Variants in ROBO2 observed in about 807,000 individuals in gnomAD.
ROBO2 encodes roundabout homolog 2.
Under a neutral mutation model 160.8 loss-of-function variants are expected in ROBO2, and 53 were observed. The ratio of observed to expected loss-of-function variants is 0.33; its 90% CI spans 0.26 to 0.41. The LOEUF is 0.41. Among genes scored for constraint, ROBO2 ranks in the 10% least tolerant of loss-of-function variants. The pLI, the probability that ROBO2 is intolerant of heterozygous loss-of-function variation, is 1.00. For missense variants in ROBO2, 1,577 were observed against 1,722.4 expected (o/e 0.92, Z 1.49); for synonymous variants, 664 against 611.7 (o/e 1.09, Z -1.26).
chr3:77,504,416 C>CAAAAA (rs60117495), intron 5 of ROBO2, among the ~76,000 whole-genome samples: 2,811 of 142,612 alleles, frequency 0.02, 74 homozygotes, highest in African/African-American at 0.066. Flanking sequence ...CAGTGCTTCT[C>CAAAAA]AAAAAAAAAA....
chr3:76,286,774 G>A (rs150422883), intron 2 of ROBO2, among the ~76,000 whole-genome samples: 213 of 152,286 alleles, frequency 1.4e-3, no homozygotes, highest in African/African-American at 4.8e-3. Context: ...CAAATAAGAT[G>A]AGGCGGTAGT....
chr3:77,203,962 G>T lies in ROBO2; in HGVS notation c.388+105622G>T, dbSNP rs1008151392. Among the ~76,000 whole-genome samples, 18 of 152,126 alleles carry T rather than the reference G, an allele frequency of 1.2e-4. 1 individual carries two copies. ...AAAAAGTAACTTTAATAAAAGTAAG[G>T]CCTCTCTTTTGGCAACTATCTCTTT... On this transcript the variant is annotated intron_variant, in intron 2 of 25. Coordinates refer to ENST00000461745, the Ensembl canonical transcript of ROBO2.
intron 2 of ROBO2, among the ~76,000 whole-genome samples, chr3:77,435,834 A>T (rs1342865176): frequency 6.6e-6 from 1 of 151,674 alleles, no homozygotes; most frequent in Admixed American, 6.6e-5. Context: ...CTTAAAGTAT[A>T]TCTGATAGTT....
intron 2 of ROBO2, among the ~76,000 whole-genome samples, chr3:76,872,768 A>G (rs1470647227): frequency 6.6e-6 from 1 of 151,960 alleles, no homozygotes; most frequent in African/African-American, 2.4e-5. Flanking sequence ...GCTTCTATAA[A>G]ATAAATATAT....
At chr3:77,377,144 C>A (rs7619258) in intron 2 of ROBO2, among the ~76,000 whole-genome samples, 1 of 152,102 alleles carries the variant, frequency 6.6e-6, no homozygotes, top group East Asian at 1.9e-4. Context: ...TCAGTCTATA[C>A]TGTTTTTATA....
chr3:76,701,032 A>G (rs1260674948), intron 2 of ROBO2, among the ~76,000 whole-genome samples: 2 of 152,122 alleles, frequency 1.3e-5, no homozygotes, highest in African/African-American at 4.8e-5. Flanking sequence ...CCCATAAGAA[A>G]GATACCTAGT....
At chr3:76,907,531 T>C (rs1480719344) in intron 2 of ROBO2, among the ~76,000 whole-genome samples, 3 of 152,178 alleles carry the variant, frequency 2.0e-5, no homozygotes, top group African/African-American at 7.2e-5. Flanking sequence ...AGCAGATATA[T>C]GTAACCAAGC....
At position 76,675,682 on chromosome 3, in the gene ROBO2, T is replaced by C. The variant is rs2092390442; in HGVS notation, c.110-422332T>C. ...TCAACCCCAGGGTTTATTTAGACCA[T>C]ATTCAACAAAAATTCTGAGAACAAA... On this transcript the variant is annotated intron_variant, in intron 2 of 26. Transcript: ENST00000487694. Among the ~76,000 whole-genome samples the C allele has an allele frequency of 2.6e-5, 4 of 152,282 alleles. No individual in the cohort carries two copies. In the Middle Eastern group the frequency reaches 0.01, roughly 388 times the overall value.
intron 2 of ROBO2, among the ~76,000 whole-genome samples, chr3:76,361,229 G>A (rs934295293): frequency 1.3e-5 from 2 of 152,072 alleles, no homozygotes; most frequent in Non-Finnish European, 2.9e-5. Flanking sequence ...GGGTAGCTTG[G>A]TCTACTCAAG....
intron 2 of ROBO2, among the ~76,000 whole-genome samples, chr3:77,175,452 A>T (rs1416456974): frequency 6.6e-6 from 1 of 151,998 alleles, no homozygotes; most frequent in African/African-American, 2.4e-5. Flanking sequence ...AAGAATTCTG[A>T]CTTAATTTAA....
At chr3:76,704,624 T>C (rs888257566) in intron 2 of ROBO2, among the ~76,000 whole-genome samples, 17 of 152,260 alleles carry the variant, frequency 1.1e-4, no homozygotes, top group African/African-American at 3.8e-4. Flanking sequence ...TTTCCATGCT[T>C]GGGTCCTAGG....
At chr3:75,967,525 T>C (rs1314569134) in intron 2 of ROBO2, among the ~76,000 whole-genome samples, 2 of 151,542 alleles carry the variant, frequency 1.3e-5, no homozygotes, top group Admixed American at 6.6e-5. Context: ...AGATAACATA[T>C]AAAATTACAA....
chr3:76,498,491 A>G (rs1910341), intron 2 of ROBO2, among the ~76,000 whole-genome samples: 40,546 of 151,826 alleles, frequency 0.27, 6,612 homozygotes, highest in African/African-American at 0.44. Context: ...GTGAGGTAAC[A>G]TATATGTTAA....
At chr3:77,528,654 G>C (rs1471403219) in intron 6 of ROBO2, among the ~76,000 whole-genome samples, 1 of 151,606 alleles carries the variant, frequency 6.6e-6, no homozygotes, top group Non-Finnish European at 1.5e-5. Context: ...TGCAGGAGGG[G>C]ACTGAGTTTA....
At chr3:76,758,415 C>CA (rs1366566362) in intron 2 of ROBO2, among the ~76,000 whole-genome samples, 1 of 151,774 alleles carries the variant, frequency 6.6e-6, no homozygotes, top group African/African-American at 2.4e-5. Context: ...GCTTCATGGA[C>CA]AGGGTGTGAG....
At chr3:77,587,470 A>T (rs1454363765) in intron 16 of ROBO2, among the ~76,000 whole-genome samples, 1 of 152,106 alleles carries the variant, frequency 6.6e-6, no homozygotes, top group African/African-American at 2.4e-5. Context: ...ACTGAGGTTG[A>T]CTGAGAAGCC....
At chr3:77,537,405 C>CAATG (rs1301051648) in intron 6 of ROBO2, among the ~76,000 whole-genome samples, 2 of 152,114 alleles carry the variant, frequency 1.3e-5, no homozygotes, top group Non-Finnish European at 2.9e-5. Context: ...TTTGCTCATA[C>CAATG]AATGAATGAA....
chr3:76,035,276 T>C (rs1192466951), intron 2 of ROBO2, among the ~76,000 whole-genome samples: 1 of 151,646 alleles, frequency 6.6e-6, no homozygotes, highest in Non-Finnish European at 1.5e-5. Flanking sequence ...GCTGAATTAA[T>C]GCGCATATGC....
At chr3:76,483,408 T>A (rs1463780182) in intron 2 of ROBO2, among the ~76,000 whole-genome samples, 1 of 152,016 alleles carries the variant, frequency 6.6e-6, no homozygotes, top group Non-Finnish European at 1.5e-5. Context: ...TGGGGTGTGA[T>A]TGATTCCATC....
Sources: gnomAD v4.1 joint callset for allele counts (sites outside exome capture counted in the v4.1 genomes callset) on GRCh38, gnomAD v4.1.1 for gene constraint, MANE v1.5 for transcripts, NCBI Gene and HGNC (gene_info 2026-07-23, HGNC 2026-07-21) for gene names.